Variants in HNRNPUL1 observed in about 807,000 individuals in gnomAD.
HNRNPUL1 encodes heterogeneous nuclear ribonucleoprotein U-like protein 1.
HNRNPUL1 carries 14 observed loss-of-function variants against 108.5 expected under a neutral mutation model. The observed-to-expected ratio is 0.13, with a 90% CI of 0.09 to 0.20. The LOEUF is 0.20. Ranked by LOEUF, HNRNPUL1 falls within the 10% of genes least tolerant of loss-of-function variation. The probability of loss-of-function intolerance (pLI) is 1.00; values close to 1 mark genes in which losing one functional copy is unlikely to be tolerated. For synonymous variants in HNRNPUL1, 422 were observed against 445.2 expected, an observed-to-expected ratio of 0.95 and a Z score of 0.66; for missense variants, 804 against 1,168.3, an observed-to-expected ratio of 0.69 and a Z score of 4.55.
At chr19:41,278,219 A>G (rs1238957415) in intron 5 of HNRNPUL1, 1 of 151,780 alleles carries the variant, frequency 6.6e-6, no homozygotes, top group Non-Finnish European at 1.5e-5. Flanking sequence ...GACGCCACGC[A>G]TGCCTAATTT....
At chr19:41,285,885 C>T in intron 7 of HNRNPUL1, among the ~76,000 whole-genome samples, 1 of 152,170 alleles carries the variant, frequency 6.6e-6, no homozygotes, top group East Asian at 1.9e-4. Context: ...AACTTAACTA[C>T]TGGCTGAGCG....
At chr19:41,263,333 G>A (rs932595841), upstream of HNRNPUL1, among the ~76,000 whole-genome samples, 1 of 152,196 alleles carries the variant, frequency 6.6e-6, no homozygotes, top group African/African-American at 2.4e-5. Flanking sequence ...TGACGGATCC[G>A]TGGGGTTGAG....
chr19:41,294,548 C>T lies in HNRNPUL1; in HGVS notation c.1390-10C>T, dbSNP rs749306104. On this transcript the variant is annotated splice_polypyrimidine_tract_variant and intron_variant, in intron 9 of 14. Coordinates refer to ENST00000392006, the MANE Select transcript of HNRNPUL1 (RefSeq NM_007040.6). This position sits in a 1 kb window ranked among gnomAD's most constrained non-coding sequence, Gnocchi z 4.3. The stretch of plus-strand genomic sequence containing the variant: ...AAAATCACTCACCCCTCACCAATTC[C>T]TGCCCGCAGGTGATGGGCCTACGCC... 5.0e-6 allele frequency: 8 copies of T among 1,613,974 alleles called. No homozygotes were observed. The East Asian group carries it at 1.3e-4, about 27-fold the overall frequency.
rs1001129790 is a variant in HNRNPUL1 at position 41,264,668 on chromosome 19, G to A, written c.165G>A (p.Gly55=). 8.2e-6 allele frequency: 13 copies of A among 1,580,978 alleles called. No individual in the cohort carries two copies. Among genetic ancestry groups the A allele is most frequent in the Non-Finnish European group, 1.1e-5 (13 of 1,170,730 alleles). Reference sequence around the variant, plus strand: ...AGCTCGACGCCGACGACGAACCGGGGCGACCCGGGCACATCAACGAGGAGG... The same window carrying A: ...AGCTCGACGCCGACGACGAACCGGGACGACCCGGGCACATCAACGAGGAGG... ...ERELDADDEP[G]RPGHINEEVE... is the part of the protein sequence containing the mutation. The change falls in exon 1 of 15, where the codon GGG becomes GGA. Residue 55 remains glycine (G), a synonymous_variant. Coordinates refer to ENST00000392006, the MANE Select transcript of HNRNPUL1 (RefSeq NM_007040.6).
rs2034694077 is a variant in HNRNPUL1 at position 41,264,630 on chromosome 19, G to C, written c.127G>C (p.Asp43His). 3 of 1,584,572 alleles carry C rather than the reference G, an allele frequency of 1.9e-6. No individual in the cohort carries two copies. Among genetic ancestry groups the C allele is most frequent in the Non-Finnish European group, 2.6e-6 (3 of 1,173,176 alleles). ...LQAALEAEEP[D>H]DERELDADDE... The stretch of plus-strand genomic sequence containing the variant: ...GGCGGCGTTGGAGGCCGAGGAGCCT[G>C]ACGACGAGCGGGAGCTCGACGCCGA... Residue 43 changes from aspartate (D) to histidine (H), a missense_variant, in exon 1 of 15, where the codon GAC becomes CAC. Coordinates refer to ENST00000392006, the MANE Select transcript of HNRNPUL1 (RefSeq NM_007040.6).
upstream of HNRNPUL1, among the ~76,000 whole-genome samples, chr19:41,263,849 T>C (rs1306929848): frequency 6.6e-6 from 1 of 152,104 alleles, no homozygotes. Flanking sequence ...AGGGGCGGGC[T>C]CCTGGTGAAT....
intron 7 of HNRNPUL1, among the ~76,000 whole-genome samples, chr19:41,285,382 C>T (rs1210569048): frequency 6.6e-6 from 1 of 152,158 alleles, no homozygotes; most frequent in Non-Finnish European, 1.5e-5. Flanking sequence ...CGCCACCACA[C>T]CTAGCTAATA....
At position 41,301,723 on chromosome 19, in the gene HNRNPUL1, C is replaced by T. The variant is rs977618936; in HGVS notation, c.1687+19C>T. On this transcript the variant is annotated intron_variant, in intron 11 of 14. Transcript: ENST00000392006. ...ATGAAAGGTAGGAAATGAGTGCTTCCCAGAGGAACGTCAATGCAGGGTCCT... is the reference window on the plus strand; with the variant it reads ...ATGAAAGGTAGGAAATGAGTGCTTCTCAGAGGAACGTCAATGCAGGGTCCT... 2 of 1,601,604 alleles carry T rather than the reference C, an allele frequency of 1.2e-6. No individual in the cohort carries two copies. Among genetic ancestry groups the T allele is most frequent in the African/African-American group, 2.7e-5 (2 of 74,376 alleles).
chr19:41,265,337 T>G (rs1206081988), intron 1 of HNRNPUL1: 48 of 1,500,896 alleles, frequency 3.2e-5, no homozygotes, highest in Non-Finnish European at 4.1e-5. Flanking sequence ...GGCGTTCTCC[T>G]ATTTGGGTAC....
intron 1 of HNRNPUL1, 22 bp from the exon 2 acceptor site, chr19:41,268,201 C>T: frequency 6.2e-7 from 1 of 1,610,506 alleles, no homozygotes; most frequent in Middle Eastern, 1.7e-4. Context: ...CTCTAATTGG[C>T]CATTTTTAAT....
chr19:41,269,480 GAAA>G (rs35932282), intron 2 of HNRNPUL1, among the ~76,000 whole-genome samples: 15 of 48,174 alleles, frequency 3.1e-4, no homozygotes, highest in South Asian at 8.4e-4. Flanking sequence ...ACCCTGTCAC[GAAA>G]AAAAAAAAAA....
rs1356298943 is a variant in HNRNPUL1 at position 41,292,054 on chromosome 19, G to A, written c.1000-191G>A. On this transcript the variant is annotated intron_variant, in intron 7 of 14. Coordinates refer to ENST00000392006, the MANE Select transcript of HNRNPUL1 (RefSeq NM_007040.6). This position sits in a 1 kb window ranked among gnomAD's most constrained non-coding sequence, Gnocchi z 4.1. ...CCACCAACTTTGGGGTCTTAGGCAA[G>A]GAGGACTTTGGGCTGGACATTCTCT... Among the ~76,000 whole-genome samples the A allele has an allele frequency of 2.6e-5, 4 of 151,802 alleles. No individual in the cohort carries two copies. The highest frequency in any genetic ancestry group is 4.4e-5 in the Non-Finnish European group (3 of 67,990).
At chr19:41,299,609 AATGCTCTC>A (rs2037086678) in intron 10 of HNRNPUL1, among the ~76,000 whole-genome samples, 2 of 152,140 alleles carry the variant, frequency 1.3e-5, no homozygotes, top group Non-Finnish European at 2.9e-5. Context: ...TACATCTGCA[AATGCTCTC>A]CAGAGCCAGG....
At chr19:41,302,996 G>A (rs1218022375) in intron 12 of HNRNPUL1, 47 bp downstream of exon 12, 2 of 1,502,146 alleles carry the variant, frequency 1.3e-6, no homozygotes, top group Non-Finnish European at 1.8e-6. Context: ...TTCCCAGGTT[G>A]GGGCTGGGCT....
chr19:41,299,768 C>T lies in HNRNPUL1; in HGVS notation c.1519-1768C>T, dbSNP rs1236618307. Among the ~76,000 whole-genome samples, 8 of 152,048 alleles carry T rather than the reference C, an allele frequency of 5.3e-5. No homozygotes were observed. In the East Asian group the frequency reaches 1.5e-3, roughly 29 times the overall value. On this transcript the variant is annotated intron_variant, in intron 10 of 14. Coordinates refer to ENST00000392006, the MANE Select transcript of HNRNPUL1 (RefSeq NM_007040.6). ...TCTTCCCCAAAGCCTGTGTTCATTC[C>T]ACCCTGTCTCACTGTTCCTGCTTTT...
chr19:41,267,868 A>T (rs1169253262), intron 1 of HNRNPUL1, among the ~76,000 whole-genome samples: 1 of 152,208 alleles, frequency 6.6e-6, no homozygotes, highest in Non-Finnish European at 1.5e-5. Context: ...AACATTCTCC[A>T]TTCTCATCAC....
rs1568450012 is a variant in HNRNPUL1 at position 41,292,232 on chromosome 19, CTTT to C, written c.1000-10_1000-8del. The C allele has an allele frequency of 6.2e-7, 1 of 1,612,746 alleles. No homozygotes were observed. The highest frequency in any genetic ancestry group is 1.1e-5 in the South Asian group (1 of 91,056). ...AGAGTTGGCAATCATATTCCTTTGG[CTTT>C]TTCTCCTAGGATTTTGAATGTGGAA... On this transcript the variant is annotated splice_polypyrimidine_tract_variant and intron_variant, in intron 7 of 14. Coordinates refer to ENST00000392006, the MANE Select transcript of HNRNPUL1 (RefSeq NM_007040.6). The surrounding 1 kb of genome is among the most constrained non-coding windows in gnomAD (Gnocchi z 4.1).
rs762182248 is a variant in HNRNPUL1, at chr19:41,272,065, A to G, written c.419-17A>G. On this transcript the variant is annotated splice_polypyrimidine_tract_variant and intron_variant, in intron 2 of 14. Transcript: ENST00000392006. ...GCTTGCGAGTGTCTTGACCATCTGA[A>G]TTTGTCTTGACAATAGAAATGAAGA... 2 of 1,612,892 alleles carry G rather than the reference A, an allele frequency of 1.2e-6. No individual in the cohort carries two copies. Among genetic ancestry groups the G allele is most frequent in the Non-Finnish European group, 1.7e-6 (2 of 1,179,554 alleles).
At chr19:41,303,841 TTTG>T (rs1466095840) in intron 12 of HNRNPUL1, 128 bp from the exon 13 acceptor site, 1 of 1,120,404 alleles carries the variant, frequency 8.9e-7, no homozygotes, top group Non-Finnish European at 1.3e-6. Context: ...GAGGACATGC[TTTG>T]TTGTTCACCT....
Sources: gnomAD v4.1 joint callset for allele counts (sites outside exome capture counted in the v4.1 genomes callset) on GRCh38, gnomAD v4.1.1 for gene constraint, Gnocchi (gnomAD v3.1) non-coding constraint, MANE v1.5 for transcripts, NCBI Gene and HGNC (gene_info 2026-07-23, HGNC 2026-07-21) for gene names.